Variants in RPRD2 observed in about 807,000 individuals in gnomAD.
The protein encoded by RPRD2 is regulation of nuclear pre-mRNA domain-containing protein 2.
In RPRD2, 12 loss-of-function variants were observed where a neutral mutation model predicts 104.4. That is an observed-to-expected ratio of 0.11 (90% CI 0.07 to 0.19). RPRD2 has a LOEUF of 0.19. RPRD2 is among the 10% of genes least tolerant of loss of function. The pLI is 1.00. For missense variants in RPRD2, 1,543 were observed against 1,790.1 expected, an observed-to-expected ratio of 0.86 and a Z score of 2.49; for synonymous variants, 714 against 684.9, an observed-to-expected ratio of 1.04 and a Z score of -0.66.
intron 7 of RPRD2, among the ~76,000 whole-genome samples, chr1:150,452,735 A>C (rs1285621362): frequency 7.4e-6 from 1 of 134,860 alleles, no homozygotes; most frequent in East Asian, 2.2e-4. Context: ...CAGTGGCACG[A>C]TCTCGGCTCA....
chr1:150,403,228 A>T (rs1315000500), intron 1 of RPRD2, among the ~76,000 whole-genome samples: 7 of 152,208 alleles, frequency 4.6e-5, no homozygotes, highest in African/African-American at 1.7e-4. Context: ...TAATACTTGC[A>T]TACATATATA....
intron 1 of RPRD2, among the ~76,000 whole-genome samples, chr1:150,407,041 G>A (rs698921): frequency 0.6 from 91,303 of 152,108 alleles, 27,950 homozygotes; most frequent in African/African-American, 0.65. Flanking sequence ...TTCGAATATG[G>A]TATGACCTCT....
Position 150,471,343 on chromosome 1 carries a change from C to T in RPRD2, c.2395C>T (p.Pro799Ser), listed in dbSNP as rs373029784. ...YRPFGLGSESPYKQPSDGMER... is the reference protein window; with the variant it reads ...YRPFGLGSESSYKQPSDGMER... ...ACCCTTTGGTCTGGGCAGTGAATCT[C>T]CCTATAAGCAGCCTTCTGATGGAAT... The change falls in exon 11 of 11, where the codon CCC (proline) becomes TCC (serine). Residue 799 changes from proline (P) to serine (S), a missense_variant. Transcript: ENST00000369068. The surrounding 1 kb of genome is among the most constrained non-coding windows in gnomAD (Gnocchi z 5.3). The T allele has an allele frequency of 1.7e-5, 28 of 1,613,600 alleles. No homozygotes were observed. Among genetic ancestry groups the T allele is most frequent in the Non-Finnish European group, 2.3e-5 (27 of 1,179,854 alleles).
At chr1:150,438,454 C>T (rs929513298) in intron 2 of RPRD2, among the ~76,000 whole-genome samples, 24 of 151,974 alleles carry the variant, frequency 1.6e-4, no homozygotes, top group African/African-American at 5.5e-4. Context: ...GGTGAAACCC[C>T]GTCCCTACTA....
intron 9 of RPRD2, among the ~76,000 whole-genome samples, chr1:150,460,548 ACCTGCTACCACGC>A (rs1385089824): frequency 6.6e-6 from 1 of 151,764 alleles, no homozygotes; most frequent in Admixed American, 6.6e-5. Flanking sequence ...GATTACAGGC[ACCTGCTACCACGC>A]CCGGCTAATT....
In RPRD2 at chr1:150,398,491, T is replaced by C. The variant is rs587689348; in HGVS notation, c.206-19105T>C. Reference sequence around the variant, plus strand: ...GATTACAGGCGTGAGCCACCGTGCCTGGCCTATTTTATTTTATTTTATTTC... The same window carrying C: ...GATTACAGGCGTGAGCCACCGTGCCCGGCCTATTTTATTTTATTTTATTTC... On this transcript the variant is annotated intron_variant, in intron 1 of 10. Transcript: ENST00000369068. Among the ~76,000 whole-genome samples the C allele has an allele frequency of 4.7e-5, 7 of 148,078 alleles. No homozygotes were observed. In the East Asian group the frequency reaches 1.0e-3, roughly 22 times the overall value.
chr1:150,388,797 G>T (rs936698371), intron 1 of RPRD2, among the ~76,000 whole-genome samples: 1 of 151,776 alleles, frequency 6.6e-6, no homozygotes, highest in African/African-American at 2.4e-5. Context: ...AGTAGAGGCG[G>T]GGTTTCACCA....
chr1:150,456,003 A>AT (rs1553897498), intron 7 of RPRD2, among the ~76,000 whole-genome samples: 1 of 151,234 alleles, frequency 6.6e-6, no homozygotes, highest in Non-Finnish European at 1.5e-5. Flanking sequence ...ATTTTTTTTT[A>AT]TTTTTTTGTA....
At chr1:150,407,951 C>G (rs1288084921) in intron 1 of RPRD2, among the ~76,000 whole-genome samples, 1 of 151,796 alleles carries the variant, frequency 6.6e-6, no homozygotes, top group Non-Finnish European at 1.5e-5. Flanking sequence ...CCCTGTCATT[C>G]ACCCTGGAGT....
chr1:150,409,603 G>A (rs950784624), intron 1 of RPRD2, among the ~76,000 whole-genome samples: 1 of 150,232 alleles, frequency 6.7e-6, no homozygotes, highest in African/African-American at 2.4e-5. Flanking sequence ...GGAGAATAAA[G>A]CAAAGAAGGG....
chr1:150,458,001 A>T (rs1667655585), intron 8 of RPRD2, among the ~76,000 whole-genome samples: 1 of 151,848 alleles, frequency 6.6e-6, no homozygotes, highest in Non-Finnish European at 1.5e-5. Context: ...AACCTGAGAG[A>T]GGGGTTGCAG....
chr1:150,468,432 A>G (rs990099054), intron 10 of RPRD2, among the ~76,000 whole-genome samples: 1 of 152,172 alleles, frequency 6.6e-6, no homozygotes, highest in African/African-American at 2.4e-5. Context: ...TCTGAGTAGT[A>G]TATCTATCTT....
chr1:150,429,191 C>T (rs1553891113), intron 2 of RPRD2, among the ~76,000 whole-genome samples: 3 of 151,326 alleles, frequency 2.0e-5, no homozygotes, highest in African/African-American at 7.3e-5. Context: ...TTCCCGGGTT[C>T]AAGCGATTCT....
intron 2 of RPRD2, among the ~76,000 whole-genome samples, chr1:150,427,591 G>A (rs1407319373): frequency 2.0e-5 from 3 of 152,140 alleles, no homozygotes; most frequent in Non-Finnish European, 4.4e-5. Context: ...TTGAACCCAG[G>A]AGTTTGAGAC....
In RPRD2 at chr1:150,473,350, A is replaced by G; in HGVS notation, c.*16A>G. 1.3e-6 allele frequency: 2 copies of G among 1,589,256 alleles called. No individual in the cohort carries two copies. The highest frequency in any genetic ancestry group is 1.7e-6 in the Non-Finnish European group (2 of 1,168,190). On this transcript the variant is annotated 3_prime_UTR_variant, in exon 11 of 11. Transcript: ENST00000369068. ...CAGGTACTGATGGAAACCAAGGGAA[A>G]GGCATTTTGAACAGTCTAGAGAACA...
At chr1:150,383,917 A>G (rs1172276701) in intron 1 of RPRD2, among the ~76,000 whole-genome samples, 2 of 152,244 alleles carry the variant, frequency 1.3e-5, no homozygotes, top group African/African-American at 4.8e-5. Context: ...ACCATACTAT[A>G]GTAGTGAACA....
intron 2 of RPRD2, among the ~76,000 whole-genome samples, chr1:150,432,344 G>T (rs370043082): frequency 1.3e-5 from 2 of 152,064 alleles, no homozygotes; most frequent in Non-Finnish European, 2.9e-5. Context: ...GTTATCAGGA[G>T]CTGGGAAAAA....
intron 2 of RPRD2, among the ~76,000 whole-genome samples, chr1:150,421,322 T>G (rs1389580780): frequency 2.6e-5 from 4 of 152,162 alleles, no homozygotes; most frequent in African/African-American, 9.7e-5. Context: ...TAGAAGTATG[T>G]GAGGCTTTTA....
intron 1 of RPRD2, among the ~76,000 whole-genome samples, chr1:150,411,828 A>C (rs1553887733): frequency 6.7e-6 from 1 of 148,886 alleles, no homozygotes; most frequent in East Asian, 2.0e-4. Flanking sequence ...GAAACAAACA[A>C]AAGAAGAAGG....
Sources: allele counts gnomAD v4.1 joint callset (sites outside exome capture counted in the v4.1 genomes callset), GRCh38; gene constraint gnomAD v4.1.1; non-coding constraint Gnocchi (gnomAD v3.1); transcripts MANE v1.5; gene names NCBI Gene and HGNC (gene_info 2026-07-23, HGNC 2026-07-21).